Variants in TENM1 observed in about 807,000 individuals in gnomAD.
TENM1 encodes the protein teneurin-1.
In TENM1, 35 loss-of-function variants were observed where a neutral mutation model predicts 174.8. The observed-to-expected ratio is 0.20, with a 90% CI of 0.15 to 0.27. TENM1 has a LOEUF of 0.27. TENM1 is among the 10% of genes least tolerant of loss of function. TENM1 has a pLI of 1.00. For synonymous variants in TENM1, 781 were observed against 798.7 expected, an observed-to-expected ratio of 0.98 and a Z score of 0.37; for missense variants, 1,633 against 2,130.1, an observed-to-expected ratio of 0.77 and a Z score of 4.59.
intron 18 of TENM1, among the ~76,000 whole-genome samples, chrX:124,510,184 TATC>T (rs199535197): frequency 0.093 from 10,441 of 112,416 alleles, 718 homozygotes; most frequent in African/African-American, 0.23. Context: ...GTTTGATAGA[TATC>T]ATAGAGACTC....
At chrX:124,376,167 C>A (rs1171487688) in exon 32 of TENM1, 1 of 111,883 alleles carries the variant, frequency 8.9e-6, no homozygotes, top group African/African-American at 3.3e-5. Context: ...TGTTTCCTAG[C>A]AACATGGCTC....
chrX:124,685,893 G>A (rs1252520397), intron 5 of TENM1, among the ~76,000 whole-genome samples: 6 of 111,759 alleles, frequency 5.4e-5, no homozygotes, highest in African/African-American at 1.3e-4. Context: ...TGGAAGTCCC[G>A]AAAGAGAAAA....
intron 3 of TENM1, among the ~76,000 whole-genome samples, chrX:124,840,712 G>A (rs1255404083): frequency 9.0e-6 from 1 of 111,730 alleles, no homozygotes; most frequent in Non-Finnish European, 1.9e-5. Context: ...GTTTTCGTTA[G>A]GTTAATCAGA....
At chrX:124,551,518 ACACACACACC>A (rs1453566733) in intron 14 of TENM1, among the ~76,000 whole-genome samples, 1 of 94,221 alleles carries the variant, frequency 1.1e-5, no homozygotes, top group Non-Finnish European at 2.1e-5. Context: ...TGTTCTTAAC[ACACACACACC>A]CACACACACA....
At chrX:125,119,368 T>C in the TENM1 span, among the ~76,000 whole-genome samples, 753 of 111,439 alleles carry the variant, frequency 6.8e-3, 7 homozygotes, top group African/African-American at 0.023. Flanking sequence ...AAAAACAACA[T>C]AATATTTGTT....
At chrX:124,412,464 G>C (rs2060547936) in intron 25 of TENM1, among the ~76,000 whole-genome samples, 1 of 112,027 alleles carries the variant, frequency 8.9e-6, no homozygotes, top group Admixed American at 9.4e-5. Context: ...AACTGTTCAA[G>C]ATAAAACTAG....
chrX:124,609,531 T>C (rs762886426), intron 11 of TENM1, among the ~76,000 whole-genome samples: 1 of 111,888 alleles, frequency 8.9e-6, no homozygotes, highest in East Asian at 2.8e-4. Flanking sequence ...CCAACAAGCC[T>C]TTTAACATGC....
At chrX:124,516,579 T>C (rs2047709099) in intron 18 of TENM1, among the ~76,000 whole-genome samples, 1 of 112,116 alleles carries the variant, frequency 8.9e-6, no homozygotes, top group Non-Finnish European at 1.9e-5. Context: ...GACATATATG[T>C]GGCCAATAGC....
At chrX:125,003,332 C>T in the TENM1 span, among the ~76,000 whole-genome samples, 1 of 111,462 alleles carries the variant, frequency 9.0e-6, no homozygotes, top group Non-Finnish European at 1.9e-5. Flanking sequence ...GAATAAAGGG[C>T]TATATTACTC....
intron 11 of TENM1, among the ~76,000 whole-genome samples, chrX:124,623,590 A>G (rs751381197): frequency 9.0e-6 from 1 of 111,536 alleles, no homozygotes; most frequent in East Asian, 2.8e-4. Flanking sequence ...CATCTATAAG[A>G]TATTTGCATT....
chrX:124,854,666 C>T (rs1384697922), intron 3 of TENM1, among the ~76,000 whole-genome samples: 1 of 111,733 alleles, frequency 8.9e-6, no homozygotes, highest in African/African-American at 3.3e-5. Flanking sequence ...AAAAAGTTTA[C>T]TGCAACAGGA....
rs773847575 is a variant in TENM1 at position 124,962,826 on chromosome X, A to G, written c.217+711T>C. On this transcript the variant is annotated intron_variant, in intron 1 of 31. Coordinates refer to ENST00000422452, the Ensembl canonical transcript of TENM1. ...GAGTGAGATTCTGTCTCAAAACAAGACAAAACAAAACAAAACAAAACAAAA... is the reference window on the plus strand; with the variant it reads ...GAGTGAGATTCTGTCTCAAAACAAGGCAAAACAAAACAAAACAAAACAAAA... 3.8e-4 allele frequency among the ~76,000 whole-genome samples: 41 copies of G among 106,625 alleles called. 1 individual carries two copies. In the South Asian group the frequency reaches 0.016, roughly 42 times the overall value. 92.6% of individuals were successfully genotyped at this position (106,625 alleles called of 115,157 possible). A position where few individuals can be genotyped will look rare whatever the true frequency, so the allele number is the denominator to read the frequency against.
chrX:124,667,843 T>G (rs767837529), intron 6 of TENM1, among the ~76,000 whole-genome samples: 1 of 108,980 alleles, frequency 9.2e-6, no homozygotes, highest in African/African-American at 3.5e-5. Context: ...GAGAAAATTC[T>G]GTTTTCTCAT....
intron 20 of TENM1, among the ~76,000 whole-genome samples, chrX:124,490,626 A>G (rs1366651499): frequency 1.8e-5 from 2 of 112,302 alleles, no homozygotes; most frequent in African/African-American, 6.5e-5. Context: ...GTTGAATCCA[A>G]ATTACTCAAG....
chrX:124,574,892 G>T (rs960828891), intron 11 of TENM1, among the ~76,000 whole-genome samples: 1 of 111,496 alleles, frequency 9.0e-6, no homozygotes, highest in Non-Finnish European at 1.9e-5. Context: ...TTTGTGTACT[G>T]TGTGTTGTTT....
intron 11 of TENM1, among the ~76,000 whole-genome samples, chrX:124,630,815 G>A (rs922133192): frequency 1.3e-4 from 15 of 111,868 alleles, no homozygotes; most frequent in Admixed American, 9.5e-5. Context: ...TCTTAGTCTT[G>A]GGTCTATGAG....
At chrX:124,530,129 G>A (rs1233175175) in intron 15 of TENM1, 146 bp from the exon 19 acceptor site, 1 of 600,763 alleles carries the variant, frequency 1.7e-6, no homozygotes, top group African/African-American at 2.4e-5. Flanking sequence ...TAACATTCTG[G>A]GGAGGAGTTT....
In TENM1 at chrX:124,799,830, A is replaced by G. The variant is rs765603768; in HGVS notation, c.536-62633T>C. On this transcript the variant is annotated intron_variant, in intron 3 of 31. Coordinates refer to ENST00000422452, the Ensembl canonical transcript of TENM1. ...ACGTGAAGGGATGTTGAATTTTACC[A>G]AAGGCTTTTTCTGCATCTATTGAGA... 2.7e-5 allele frequency among the ~76,000 whole-genome samples: 3 copies of G among 111,574 alleles called. No individual in the cohort carries two copies. In the South Asian group the frequency reaches 1.1e-3, roughly 42 times the overall value.
chrX:124,476,226 T>C (rs1483320295), intron 22 of TENM1, among the ~76,000 whole-genome samples: 1 of 111,932 alleles, frequency 8.9e-6, no homozygotes, highest in African/African-American at 3.3e-5. Context: ...CATCTTTCCA[T>C]TAACCCCAAA....
Sources: allele counts gnomAD v4.1 joint callset (sites outside exome capture counted in the v4.1 genomes callset), GRCh38; gene constraint gnomAD v4.1.1; transcripts MANE v1.5; gene names NCBI Gene and HGNC (gene_info 2026-07-23, HGNC 2026-07-21).